The following TBCK variants were observed in gnomAD, a reference collection of about 807,000 sequenced individuals.
TBCK encodes the protein TBC domain-containing protein kinase-like protein.
A neutral mutation model predicts 113.4 loss-of-function variants in TBCK; 99 were observed. The observed-to-expected ratio is 0.87, with a 90% CI of 0.74 to 1.03. The LOEUF (loss-of-function observed/expected upper bound fraction) is 1.03. TBCK is among the 50% of genes least tolerant of loss of function. TBCK has a pLI of 0.00. For missense variants in TBCK, 1,045 were observed against 1,061.3 expected (o/e 0.98, Z 0.21); for synonymous variants, 369 against 370.8 (o/e 1.00, Z 0.05).
chr4:106,262,631 A>C (rs1471480911), intron 3 of TBCK, among the ~76,000 whole-genome samples: 2 of 152,074 alleles, frequency 1.3e-5, no homozygotes, highest in East Asian at 1.9e-4. Context: ...AGTAGTAACA[A>C]TATATTTTAT....
intron 23 of TBCK, among the ~76,000 whole-genome samples, chr4:106,142,394 T>C (rs1747237520): frequency 6.6e-6 from 1 of 152,204 alleles, no homozygotes; most frequent in Non-Finnish European, 1.5e-5. Flanking sequence ...TTTATTAAAT[T>C]CTGTGTTAGC....
In TBCK at chr4:106,141,096, T is replaced by C. The variant is rs1462487462; in HGVS notation, c.2236-24718A>G. Among the ~76,000 whole-genome samples, 2 of 139,980 alleles carry C rather than the reference T, an allele frequency of 1.4e-5. 1 individual carries two copies. The highest frequency in any genetic ancestry group is 3.2e-5 in the Non-Finnish European group (2 of 61,750). 91.8% of individuals were successfully genotyped at this position (139,980 alleles called of 152,430 possible). Reference sequence around the variant, plus strand: ...CTCAAGCAAAAAGACAGCAAAACAATAGAAACACTGCCATTTAATGTAAGT... The same window carrying C: ...CTCAAGCAAAAAGACAGCAAAACAACAGAAACACTGCCATTTAATGTAAGT... On this transcript the variant is annotated intron_variant, in intron 23 of 25. Coordinates refer to ENST00000394708, the MANE Select transcript of TBCK (RefSeq NM_001163435.3).
At chr4:106,070,322 C>T (rs1370632175) in intron 25 of TBCK, among the ~76,000 whole-genome samples, 4 of 152,152 alleles carry the variant, frequency 2.6e-5, no homozygotes, top group African/African-American at 7.2e-5. Flanking sequence ...TCCATCAATA[C>T]CTAGTTTACT....
At position 106,153,232 on chromosome 4, in the gene TBCK, G is replaced by A. The variant is rs534971222; in HGVS notation, c.2235+17863C>T. Among the ~76,000 whole-genome samples, 4 of 152,026 alleles carry A rather than the reference G, an allele frequency of 2.6e-5. No individual in the cohort carries two copies. The East Asian group carries it at 7.7e-4, about 29-fold the overall frequency. On this transcript the variant is annotated intron_variant, in intron 23 of 25. Transcript: ENST00000394708. Reference sequence around the variant, plus strand: ...AACTTCCCTCAGTACTGTTTTTGCTGTACTTCATAGGTTTTATGTTGTGTC... The same window carrying A: ...AACTTCCCTCAGTACTGTTTTTGCTATACTTCATAGGTTTTATGTTGTGTC...
intron 23 of TBCK, among the ~76,000 whole-genome samples, chr4:106,124,781 C>T (rs944612917): frequency 3.3e-5 from 5 of 151,310 alleles, no homozygotes; most frequent in South Asian, 2.1e-4. Context: ...TATTCTCACT[C>T]ATAGGTGGGA....
At chr4:106,311,242 CACACAG>C (rs1489949200) in intron 1 of TBCK, among the ~76,000 whole-genome samples, 1 of 142,424 alleles carries the variant, frequency 7.0e-6, no homozygotes, top group Non-Finnish European at 1.5e-5. Flanking sequence ...CACACACACA[CACACAG>C]AGTGGACCTG....
intron 25 of TBCK, among the ~76,000 whole-genome samples, chr4:106,060,460 G>A (rs1735913501): frequency 6.6e-6 from 1 of 151,708 alleles, no homozygotes; most frequent in Non-Finnish European, 1.5e-5. Flanking sequence ...AAGTCCGGAC[G>A]ACAGCACACC....
At chr4:106,212,345 T>C (rs1348492104) in intron 20 of TBCK, among the ~76,000 whole-genome samples, 1 of 152,134 alleles carries the variant, frequency 6.6e-6, no homozygotes, top group Admixed American at 6.5e-5. Context: ...TGATGTGGAC[T>C]ACAGAGAAAA....
intron 25 of TBCK, among the ~76,000 whole-genome samples, chr4:106,082,223 A>ATAAAGTG (rs57064427): frequency 0.4 from 60,442 of 151,822 alleles, 12,274 homozygotes; most frequent in African/African-American, 0.47. Flanking sequence ...AGTGGACTGA[A>ATAAAGTG]TAGTACATAT....
At chr4:106,268,104 G>A (rs761094029) in intron 3 of TBCK, among the ~76,000 whole-genome samples, 17 of 151,894 alleles carry the variant, frequency 1.1e-4, no homozygotes, top group Non-Finnish European at 2.4e-4. Context: ...CAAGACCTTG[G>A]GGTCCCTGTT....
At position 106,193,790 on chromosome 4, in the gene TBCK, C is replaced by A. The variant is rs45462491; in HGVS notation, c.1898-20G>T. 0.012 allele frequency: 17,497 copies of A among 1,476,048 alleles called. 120 individuals carry two copies. Among genetic ancestry groups the A allele is most frequent in the Middle Eastern group, 0.016 (91 of 5,584 alleles). The allele number at this position is 1,476,048 out of a possible 1,614,324, so 91.4% of individuals were successfully genotyped here. A position where few individuals can be genotyped will look rare whatever the true frequency, so the allele number is the denominator to read the frequency against. The stretch of plus-strand genomic sequence containing the variant: ...ATACATCTGTAAAACGATAAAAATA[C>A]AAATAAATTAAAAAACCAAAATAAC... On this transcript the variant is annotated intron_variant, in intron 21 of 25. Transcript: ENST00000394708.
intron 25 of TBCK, among the ~76,000 whole-genome samples, chr4:106,086,295 T>C (rs191395963): frequency 6.2e-4 from 94 of 152,264 alleles, no homozygotes; most frequent in Admixed American, 9.2e-4. Context: ...CAGAGAATAC[T>C]ATAAACATCT....
intron 25 of TBCK, among the ~76,000 whole-genome samples, chr4:106,053,690 T>G (rs776653302): frequency 1.3e-5 from 2 of 151,626 alleles, no homozygotes; most frequent in Non-Finnish European, 3.0e-5. Flanking sequence ...TGAATCTGCT[T>G]CCTCAACATC....
chr4:106,061,319 C>T (rs1736018419), intron 25 of TBCK, among the ~76,000 whole-genome samples: 1 of 151,666 alleles, frequency 6.6e-6, no homozygotes, highest in Admixed American at 6.6e-5. Flanking sequence ...AATCTTTAGC[C>T]ACCATTGCCC....
At chr4:106,191,088 C>G (rs996875958) in intron 22 of TBCK, among the ~76,000 whole-genome samples, 2 of 152,190 alleles carry the variant, frequency 1.3e-5, no homozygotes, top group African/African-American at 4.8e-5. Context: ...ATGTCTGTGT[C>G]TGTACTGAGC....
intron 24 of TBCK, among the ~76,000 whole-genome samples, chr4:106,098,958 T>C (rs1741242985): frequency 6.6e-6 from 1 of 152,070 alleles, no homozygotes; most frequent in Admixed American, 6.6e-5. Flanking sequence ...TTTAAAAAAT[T>C]ACTGTAAACT....
At chr4:106,262,644 T>C (rs1762615609) in intron 3 of TBCK, among the ~76,000 whole-genome samples, 1 of 152,056 alleles carries the variant, frequency 6.6e-6, no homozygotes, top group South Asian at 2.1e-4. Flanking sequence ...TATTTTATGG[T>C]ATACAAACAC....
At chr4:106,149,806 T>C (rs1456973011) in intron 23 of TBCK, among the ~76,000 whole-genome samples, 5 of 152,186 alleles carry the variant, frequency 3.3e-5, no homozygotes, top group African/African-American at 1.2e-4. Flanking sequence ...CTACCAACTT[T>C]TAATTTGTAT....
chr4:106,264,358 T>C (rs1762780577), intron 3 of TBCK, among the ~76,000 whole-genome samples: 1 of 152,004 alleles, frequency 6.6e-6, no homozygotes, highest in Non-Finnish European at 1.5e-5. Flanking sequence ...CTGGAAAATG[T>C]ATGATTCGGG....
Sources: gnomAD v4.1 joint callset for allele counts (sites outside exome capture counted in the v4.1 genomes callset) on GRCh38, gnomAD v4.1.1 for gene constraint, MANE v1.5 for transcripts, NCBI Gene and HGNC (gene_info 2026-07-23, HGNC 2026-07-21) for gene names.